The following C3orf52 variants were observed in gnomAD, a reference collection of about 807,000 sequenced individuals.
C3orf52 encodes the protein TPA-induced transmembrane protein.
C3orf52 carries 22 observed loss-of-function variants against 24.8 expected under a neutral mutation model. That is an observed-to-expected ratio of 0.89 (90% CI 0.63 to 1.27). The LOEUF is 1.27. Among genes scored for constraint, C3orf52 ranks in the 50% most tolerant of loss-of-function variants. The pLI, the probability that C3orf52 is intolerant of heterozygous loss-of-function variation, is 0.00. For missense variants in C3orf52, 265 were observed against 260.7 expected (o/e 1.02, Z -0.11); for synonymous variants, 93 against 100.2 (o/e 0.93, Z 0.43).
intron 5 of C3orf52, among the ~76,000 whole-genome samples, chr3:112,116,044 GAGTCAGCT>G (rs1426420770): frequency 6.6e-6 from 1 of 152,134 alleles, no homozygotes; most frequent in Non-Finnish European, 1.5e-5. Flanking sequence ...ACATGGGAAG[GAGTCAGCT>G]AGTAGACTGA....
At chr3:112,093,177 T>G (rs1241034144) in intron 1 of C3orf52, among the ~76,000 whole-genome samples, 183 bp from the exon 2 acceptor site, 1 of 152,236 alleles carries the variant, frequency 6.6e-6, no homozygotes, top group African/African-American at 2.4e-5. Flanking sequence ...ATTTTCTTGC[T>G]AACTTCTTGA....
chr3:112,134,024 C>T (rs1387694169), downstream of C3orf52: 2 of 152,410 alleles, frequency 1.3e-5, no homozygotes, highest in Non-Finnish European at 2.9e-5. Flanking sequence ...GGCAGACAGA[C>T]AAGCGGCTGA....
At chr3:112,127,450 A>G (rs1188681536) in intron 4 of C3orf52, among the ~76,000 whole-genome samples, 1 of 152,220 alleles carries the variant, frequency 6.6e-6, no homozygotes, top group Non-Finnish European at 1.5e-5. Context: ...CTCTTCGCAT[A>G]AGGGAACACT....
chr3:112,106,480 A>C (rs2074026824), intron 3 of C3orf52, among the ~76,000 whole-genome samples: 1 of 152,138 alleles, frequency 6.6e-6, no homozygotes, highest in Non-Finnish European at 1.5e-5. Context: ...GAGTTGCCTC[A>C]TCAGAAATAA....
chr3:112,123,927 C>T (rs535049472), intron 4 of C3orf52, among the ~76,000 whole-genome samples: 2 of 152,284 alleles, frequency 1.3e-5, no homozygotes, highest in South Asian at 4.1e-4. Context: ...GCTGCTTCTA[C>T]CCCAACCACT....
intron 2 of C3orf52, 122 bp downstream of exon 2, chr3:112,093,611 C>T (rs1353267539): frequency 2.0e-5 from 19 of 971,856 alleles, no homozygotes; most frequent in East Asian, 1.0e-4. Flanking sequence ...AATTTAAGAC[C>T]GGCTTGGAAT....
At chr3:112,116,373 C>T (rs1288887867) in intron 5 of C3orf52, among the ~76,000 whole-genome samples, 1 of 152,082 alleles carries the variant, frequency 6.6e-6, no homozygotes, top group Non-Finnish European at 1.5e-5. Context: ...TCCTTAGCAC[C>T]CAAAAACCAC....
At chr3:112,127,095 A>C in intron 4 of C3orf52, 6 of 1,080,424 alleles carry the variant, frequency 5.6e-6, no homozygotes, top group Non-Finnish European at 7.0e-6. Context: ...GAAATGACAC[A>C]AGCCTACAAA....
chr3:112,103,719 G>A (rs185016994), intron 3 of C3orf52, among the ~76,000 whole-genome samples: 44 of 152,330 alleles, frequency 2.9e-4, no homozygotes, highest in Admixed American at 1.4e-3. Flanking sequence ...GGCCTGTTAA[G>A]TGAAGTGATG....
At chr3:112,093,252 G>A in intron 1 of C3orf52, 108 bp from the exon 2 acceptor site, 1 of 1,155,670 alleles carries the variant, frequency 8.7e-7, no homozygotes, top group South Asian at 1.6e-5. Context: ...GTTGCCCTAA[G>A]GTCAGGGTCT....
downstream of C3orf52, chr3:112,119,669 CCTCCTT>C (rs2074170431): frequency 1.7e-6 from 1 of 595,210 alleles, no homozygotes; most frequent in Non-Finnish European, 3.0e-6. Context: ...CTCTCAATGT[CCTCCTT>C]CTCCTCTCCC....
chr3:112,098,652 C>T (rs1443964187), intron 2 of C3orf52, among the ~76,000 whole-genome samples: 1 of 152,152 alleles, frequency 6.6e-6, no homozygotes, highest in Non-Finnish European at 1.5e-5. Context: ...AACTAGGTAG[C>T]TTATACATAA....
At chr3:112,132,957 G>C, downstream of C3orf52, 1 of 856,642 alleles carries the variant, frequency 1.2e-6, no homozygotes. Flanking sequence ...GGCACTGAAG[G>C]CTTGGCAGTT....
intron 5 of C3orf52, among the ~76,000 whole-genome samples, chr3:112,116,371 A>T (rs1355436595): frequency 2.0e-5 from 3 of 152,194 alleles, no homozygotes; most frequent in Non-Finnish European, 4.4e-5. Flanking sequence ...TGTCCTTAGC[A>T]CCCAAAAACC....
intron 1 of C3orf52, among the ~76,000 whole-genome samples, chr3:112,089,819 CCT>C (rs2107773207): frequency 6.6e-6 from 1 of 152,258 alleles, no homozygotes; most frequent in African/African-American, 2.4e-5. Context: ...TGTATTTAGA[CCT>C]TTATCTAAAG....
downstream of C3orf52, chr3:112,132,864 C>T (rs1418129329): frequency 4.0e-6 from 2 of 500,630 alleles, no homozygotes; most frequent in East Asian, 7.3e-5. Flanking sequence ...CACCTTTCAG[C>T]TATTCTCCAT....
At chr3:112,134,516 C>A (rs2074528646), downstream of C3orf52, 1 of 152,150 alleles carries the variant, frequency 6.6e-6, no homozygotes, top group Non-Finnish European at 1.5e-5. Context: ...AAGTAGGCCA[C>A]ACCCCTGTCG....
At chr3:112,126,321 T>C (rs1292795780) in intron 4 of C3orf52, among the ~76,000 whole-genome samples, 1 of 152,204 alleles carries the variant, frequency 6.6e-6, no homozygotes, top group Non-Finnish European at 1.5e-5. Context: ...AACTCTTCCA[T>C]TTTTCTTCTT....
intron 2 of C3orf52, among the ~76,000 whole-genome samples, chr3:112,097,760 G>A (rs980057491): frequency 7.2e-5 from 11 of 152,014 alleles, no homozygotes; most frequent in East Asian, 1.9e-4. Flanking sequence ...TCTTCAAATC[G>A]CTGATGTTTC....
Sources: gnomAD v4.1 joint callset for allele counts (sites outside exome capture counted in the v4.1 genomes callset) on GRCh38, gnomAD v4.1.1 for gene constraint, MANE v1.5 for transcripts, NCBI Gene and HGNC (gene_info 2026-07-23, HGNC 2026-07-21) for gene names.